The following RPL13 variants were observed in gnomAD, a reference collection of about 807,000 sequenced individuals.
The protein encoded by RPL13 is ribosomal protein L13, also known as large ribosomal subunit protein eL13.
In RPL13, 1 loss-of-function variant was observed where a neutral mutation model predicts 21.4. That is an observed-to-expected ratio of 0.05 (90% CI 0.02 to 0.22). RPL13 has a LOEUF of 0.22. Ranked by LOEUF, RPL13 falls within the 10% of genes least tolerant of loss-of-function variation. The probability of loss-of-function intolerance (pLI) is 1.00; values close to 1 mark genes in which losing one functional copy is unlikely to be tolerated. For missense variants in RPL13, 289 were observed against 303.0 expected, an observed-to-expected ratio of 0.95 and a Z score of 0.34; for synonymous variants, 143 against 120.5, an observed-to-expected ratio of 1.19 and a Z score of -1.23.
At position 89,561,623 on chromosome 16, in the gene RPL13, G is replaced by T. The variant is rs1385617577; in HGVS notation, c.292G>T (p.Val98Leu). 6.2e-7 allele frequency: 1 copy of T among 1,613,794 alleles called. No individual in the cohort carries two copies. Among genetic ancestry groups the T allele is most frequent in the Non-Finnish European group, 8.5e-7 (1 of 1,180,040 alleles). ...KKVARTIGISVDPRRRNKSTE... is the reference protein window; with the variant it reads ...KKVARTIGISLDPRRRNKSTE... ...GGTGGCCCGGACCATCGGCATTTCT[G>T]TGGATCCGAGGAGGCGGAACAAGTC... Residue 98 changes from valine to leucine, a missense_variant, in exon 4 of 6, where the codon GTG (valine) becomes TTG (leucine). Transcript: ENST00000311528.
Position 89,564,257 on chromosome 16 carries a change from C to T in RPL13, c.*1215C>T, listed in dbSNP as rs1029049835. The T allele has an allele frequency of 6.6e-6, 1 of 152,178 alleles. No homozygotes were observed. Among genetic ancestry groups the T allele is most frequent in the African/African-American group, 2.4e-5 (1 of 41,464 alleles). The allele number at this position is 152,178 out of a possible 1,614,324, so 9.4% of individuals were successfully genotyped here. ...GGTGATGCTGCTACCTCTGCTGCTG[C>T]ACTCACAGCCACACTTGATACACGA... On this transcript the variant is annotated 3_prime_UTR_variant, in exon 6 of 6. Coordinates refer to ENST00000311528, the MANE Select transcript of RPL13 (RefSeq NM_000977.4).
intron 2 of RPL13, 38 bp from the exon 3 acceptor site, chr16:89,561,189 T>C: frequency 4.6e-6 from 7 of 1,521,274 alleles, no homozygotes; most frequent in South Asian, 1.2e-5. Context: ...CTGGCGGCCT[T>C]AGGCAAGGGT....
At position 89,561,598 on chromosome 16, in the gene RPL13, G is replaced by T. The variant is rs11266880; in HGVS notation, c.267G>T (p.Lys89Asn). Residue 89 changes from lysine (K) to asparagine (N), a missense_variant, in exon 4 of 6, where the codon AAG (lysine) becomes AAT (asparagine). Physicochemically the swap from Lys to Asn is moderately conservative, Grantham distance 94 (BLOSUM62 0). Transcript: ENST00000311528. ...EELRVAGIHKKVARTIGISVD... is the reference protein window; with the variant it reads ...EELRVAGIHKNVARTIGISVD... ...GGCAGGTGGCCGGCATTCACAAGAA[G>T]GTGGCCCGGACCATCGGCATTTCTG... The T allele has an allele frequency of 6.2e-7, 1 of 1,613,614 alleles. No individual in the cohort carries two copies. Among genetic ancestry groups the T allele is most frequent in the South Asian group, 1.1e-5 (1 of 91,088 alleles).
intron 5 of RPL13, 72 bp downstream of exon 5, chr16:89,562,463 G>C: frequency 5.7e-6 from 8 of 1,412,758 alleles, no homozygotes; most frequent in Non-Finnish European, 7.8e-6. Context: ...TCTGAGATGC[G>C]GGTGATGGGG....
intron 2 of RPL13, 74 bp downstream of exon 2, chr16:89,561,137 C>T: frequency 1.3e-6 from 2 of 1,525,578 alleles, no homozygotes; most frequent in East Asian, 2.5e-5. Flanking sequence ...TGGCCGATGC[C>T]AGGGCGGGGG....
intron 4 of RPL13, 110 bp from the exon 5 acceptor site, chr16:89,562,225 G>T: frequency 1.0e-6 from 1 of 992,040 alleles, no homozygotes; most frequent in Non-Finnish European, 1.6e-6. Flanking sequence ...AAAAGGCTCA[G>T]ACACTGGTCC....
intron 3 of RPL13, 86 bp from the exon 4 acceptor site, chr16:89,561,492 C>T: frequency 1.9e-6 from 3 of 1,612,238 alleles, no homozygotes; most frequent in Non-Finnish European, 2.5e-6. Flanking sequence ...GAACCCTTTT[C>T]CATCTGATTG....
chr16:89,561,070 C>G lies in RPL13; in HGVS notation c.104+7C>G, dbSNP rs755800828. 2 of 1,601,468 alleles carry G rather than the reference C, an allele frequency of 1.2e-6. No individual in the cohort carries two copies. Among genetic ancestry groups the G allele is most frequent in the Non-Finnish European group, 1.7e-6 (2 of 1,175,760 alleles). ...CGGCCCGTAAGATCCGCAGGTGAGC[C>G]CTGCGCTCGGGGCTGCCCCTGGGGC... On this transcript the variant is annotated splice_region_variant and intron_variant, in intron 2 of 5. Transcript: ENST00000311528.
downstream of RPL13, chr16:89,564,977 T>C (rs947030436): frequency 1.3e-5 from 2 of 152,296 alleles, no homozygotes; most frequent in Non-Finnish European, 2.9e-5. Context: ...ATCTGCGTGT[T>C]CCGGGGGCCC....
downstream of RPL13, chr16:89,565,233 A>G (rs1597678960): frequency 1.4e-5 from 2 of 143,172 alleles, no homozygotes; most frequent in African/African-American, 5.1e-5. Flanking sequence ...GCAAGAGGTC[A>G]TTTTTCTAGG....
chr16:89,560,920 C>G lies in RPL13; in HGVS notation c.-20-20C>G. On this transcript the variant is annotated intron_variant, in intron 1 of 5. Coordinates refer to ENST00000311528, the MANE Select transcript of RPL13 (RefSeq NM_000977.4). ...CGCGCCCGGGGTCCGGCCTCTCACT[C>G]GCTCCCCTCTCGTCCGCAGCCGCAG... The G allele has an allele frequency of 1.3e-6, 2 of 1,555,638 alleles. No individual in the cohort carries two copies. The highest frequency in any genetic ancestry group is 1.7e-6 in the Non-Finnish European group (2 of 1,149,486).
chr16:89,562,204 G>A (rs2058750241), intron 4 of RPL13, 131 bp from the exon 5 acceptor site: 2 of 794,666 alleles, frequency 2.5e-6, no homozygotes, highest in African/African-American at 3.5e-5. Context: ...GGGCCACAAA[G>A]TGTGTTGTAG....
chr16:89,562,771 T>A (rs554209096), intron 5 of RPL13, 113 bp from the exon 6 acceptor site: 2 of 1,123,818 alleles, frequency 1.8e-6, no homozygotes, highest in South Asian at 3.6e-5. Context: ...GCAGTACTTA[T>A]GGCAGCGAAC....
chr16:89,561,353 C>A lies in RPL13; in HGVS notation c.231C>A (p.Ser77Arg). Residue 77 changes from serine to arginine, a missense_variant, in exon 3 of 6, where the codon AGC becomes AGA. Transcript: ENST00000311528. ...HTKVRAGRGF[S>R]LEELRVAGIH... ...AGGTGCGCGCCGGCCGCGGCTTCAG[C>A]CTGGAGGAGCTCAGGGTGAGTACTG... The A allele has an allele frequency of 6.2e-7, 1 of 1,606,134 alleles. No homozygotes were observed. Among genetic ancestry groups the A allele is most frequent in the South Asian group, 1.1e-5 (1 of 90,852 alleles).
At chr16:89,564,962 C>G (rs751106849), downstream of RPL13, 1 of 152,330 alleles carries the variant, frequency 6.6e-6, no homozygotes, top group African/African-American at 2.4e-5. Context: ...GACAAAAGCA[C>G]TCTGATCTGC....
rs1280082458 is a variant in RPL13 at position 89,561,041 on chromosome 16, C to G, written c.82C>G (p.Gln28Glu). The change falls in exon 2 of 6, where the codon CAG becomes GAG. Residue 28 changes from glutamine (Q) to glutamate (E), a missense_variant. Gln to Glu is a conservative substitution (Grantham distance 29). Coordinates refer to ENST00000311528, the MANE Select transcript of RPL13 (RefSeq NM_000977.4). Reference protein sequence around the residue: ...WQRRVATWFNQPARKIRRRKA... With the variant: ...WQRRVATWFNEPARKIRRRKA... Reference sequence around the variant, plus strand: ...GCGGCGCGTGGCCACGTGGTTCAACCAGCCGGCCCGTAAGATCCGCAGGTG... The same window carrying G: ...GCGGCGCGTGGCCACGTGGTTCAACGAGCCGGCCCGTAAGATCCGCAGGTG... The G allele has an allele frequency of 6.2e-7, 1 of 1,606,878 alleles. No homozygotes were observed. The highest frequency in any genetic ancestry group is 2.3e-5 in the East Asian group (1 of 44,286).
At chr16:89,562,085 A>C in intron 4 of RPL13, 1 of 588,524 alleles carries the variant, frequency 1.7e-6, no homozygotes, top group Non-Finnish European at 3.0e-6. Context: ...ATTAGGGAAC[A>C]GTTTTCTCTG....
In RPL13 at chr16:89,561,669, A is replaced by G. The variant is rs1477572257; in HGVS notation, c.338A>G (p.Asn113Ser). The G allele has an allele frequency of 3.7e-6, 6 of 1,613,758 alleles. No homozygotes were observed. The highest frequency in any genetic ancestry group is 1.7e-5 in the Admixed American group (1 of 59,994). The change falls in exon 4 of 6, where the codon AAC (asparagine) becomes AGC (serine). Residue 113 changes from asparagine to serine, a missense_variant. By Grantham distance (46) the Asn-to-Ser change is conservative (BLOSUM62 1). Transcript: ENST00000311528. Reference sequence around the variant, plus strand: ...AAGTCCACGGAGTCCCTGCAGGCCAACGTGCAGCGGCTGAAGGAGTACCGC... The same window carrying G: ...AAGTCCACGGAGTCCCTGCAGGCCAGCGTGCAGCGGCTGAAGGAGTACCGC... ...RNKSTESLQA[N>S]VQRLKEYRSK...
chr16:89,560,905 G>C, intron 1 of RPL13, 35 bp from the exon 2 acceptor site: 1 of 1,505,210 alleles, frequency 6.6e-7, no homozygotes. Context: ...CGCGCCCGGG[G>C]TCCGGCCTCT....
Sources: allele counts gnomAD v4.1 joint callset, GRCh38; gene constraint gnomAD v4.1.1; transcripts MANE v1.5; gene names NCBI Gene and HGNC (gene_info 2026-07-23, HGNC 2026-07-21).